ZBTB20: variants seen among roughly 807,000 people sequenced by gnomAD.
ZBTB20 encodes zinc finger and BTB domain containing 20.
ZBTB20 carries 9 observed loss-of-function variants against 56.9 expected under a neutral mutation model. The observed-to-expected ratio is 0.16, with a 90% confidence interval of 0.10 to 0.28. The LOEUF (loss-of-function observed/expected upper bound fraction) is 0.28. ZBTB20 is among the 10% of genes least tolerant of loss of function. The pLI, the probability that ZBTB20 is intolerant of heterozygous loss-of-function variation, is 1.00. For synonymous variants in ZBTB20, 417 were observed against 420.7 expected (o/e 0.99, Z 0.11); for missense variants, 655 against 1,003.0 (o/e 0.65, Z 4.69).
chr3:115,059,088 C>T (rs1170730952), intron 2 of ZBTB20, among the ~76,000 whole-genome samples: 1 of 152,100 alleles, frequency 6.6e-6, no homozygotes, highest in Non-Finnish European at 1.5e-5. Context: ...CCTTTAAATC[C>T]TTGATCACAT....
chr3:115,032,551 T>C (rs2080731108), intron 2 of ZBTB20, among the ~76,000 whole-genome samples: 1 of 151,324 alleles, frequency 6.6e-6, no homozygotes. Flanking sequence ...ACAGACATAC[T>C]GGGAACACTC....
At chr3:114,497,857 A>G (rs2043463465) in intron 7 of ZBTB20, among the ~76,000 whole-genome samples, 1 of 152,226 alleles carries the variant, frequency 6.6e-6, no homozygotes, top group South Asian at 2.1e-4. Flanking sequence ...AAACGAAGCC[A>G]AGTAGTAGTG....
At chr3:114,409,055 C>G (rs925453814) in intron 7 of ZBTB20, among the ~76,000 whole-genome samples, 17 of 146,598 alleles carry the variant, frequency 1.2e-4, no homozygotes, top group Admixed American at 3.4e-4. Context: ...AGGAAAAAAC[C>G]AAAAAGGCAG....
At chr3:114,873,129 G>C (rs746929660) in intron 4 of ZBTB20, 1 of 152,080 alleles carries the variant, frequency 6.6e-6, no homozygotes, top group Non-Finnish European at 1.5e-5. Flanking sequence ...ACAAAAGCTT[G>C]GTTTCTAAGG....
chr3:114,555,522 T>G (rs1470071388), intron 6 of ZBTB20, among the ~76,000 whole-genome samples: 1 of 152,106 alleles, frequency 6.6e-6, no homozygotes, highest in Non-Finnish European at 1.5e-5. Context: ...CTAGTTCACA[T>G]GTCATTTGTC....
At chr3:115,090,884 C>T (rs1007581665) in intron 1 of ZBTB20, among the ~76,000 whole-genome samples, 16 of 151,908 alleles carry the variant, frequency 1.1e-4, no homozygotes, top group Non-Finnish European at 2.9e-5. Flanking sequence ...TGGACTGAAA[C>T]CTCTAGATGT....
intron 6 of ZBTB20, among the ~76,000 whole-genome samples, chr3:114,516,449 TAC>T (rs1253544351): frequency 6.6e-6 from 1 of 152,190 alleles, no homozygotes; most frequent in Non-Finnish European, 1.5e-5. Flanking sequence ...CATAAATCTA[TAC>T]GTTATTTTGA....
At chr3:114,886,645 C>T (rs1031714926) in intron 4 of ZBTB20, among the ~76,000 whole-genome samples, 2 of 152,158 alleles carry the variant, frequency 1.3e-5, no homozygotes, top group Admixed American at 6.5e-5. Context: ...GTTTTTAGTT[C>T]TGCAGTCCAT....
At chr3:114,520,252 T>C (rs982024995) in intron 6 of ZBTB20, 1 of 152,134 alleles carries the variant, frequency 6.6e-6, no homozygotes, top group Non-Finnish European at 1.5e-5. Context: ...ATCAGTTGAA[T>C]ATGATGTACC....
At chr3:114,766,277 A>C (rs540276375) in intron 5 of ZBTB20, among the ~76,000 whole-genome samples, 1 of 151,744 alleles carries the variant, frequency 6.6e-6, no homozygotes, top group Non-Finnish European at 1.5e-5. Flanking sequence ...GAGTGTTATC[A>C]ATCTGAAATG....
chr3:114,315,478 ATATG>A lies in ZBTB20; in HGVS notation c.*23523_*23526del, dbSNP rs2078643034. 2.0e-5 allele frequency: 3 copies of A among 152,066 alleles called. No individual in the cohort carries two copies. The highest frequency in any genetic ancestry group is 2.0e-4 in the Admixed American group (3 of 15,256). 9.4% of individuals were successfully genotyped at this position (152,066 alleles called of 1,614,324 possible). On this transcript the variant is annotated 3_prime_UTR_variant, in exon 12 of 12. Coordinates refer to ENST00000675478, the MANE Select transcript of ZBTB20 (RefSeq NM_001348800.3). ...ACCACTTGAATGAATGAATGAATGG[ATATG>A]TATGTGTGTGTGCATGTGTGTATGT...
At chr3:114,875,025 T>A (rs1322817127) in intron 4 of ZBTB20, among the ~76,000 whole-genome samples, 1 of 152,170 alleles carries the variant, frequency 6.6e-6, no homozygotes, top group Non-Finnish European at 1.5e-5. Context: ...TCTTTTCCTA[T>A]TTATTTTTAT....
chr3:114,580,104 TG>T (rs2054497694), intron 6 of ZBTB20, among the ~76,000 whole-genome samples: 1 of 151,688 alleles, frequency 6.6e-6, no homozygotes, highest in Admixed American at 6.6e-5. Flanking sequence ...GATCTCCCCA[TG>T]TAAACATACT....
chr3:114,566,768 G>A (rs186191227), intron 6 of ZBTB20, among the ~76,000 whole-genome samples: 1 of 152,136 alleles, frequency 6.6e-6, no homozygotes. Context: ...CAGCCTTTGA[G>A]ATGCAAAATG....
chr3:114,755,672 C>G (rs2067960067), intron 5 of ZBTB20, among the ~76,000 whole-genome samples: 1 of 151,758 alleles, frequency 6.6e-6, no homozygotes, highest in Admixed American at 6.6e-5. Context: ...CTTTTTTTCT[C>G]TCTCTAGAAA....
At chr3:114,420,451 C>G (rs1251422511) in intron 7 of ZBTB20, among the ~76,000 whole-genome samples, 2 of 152,070 alleles carry the variant, frequency 1.3e-5, no homozygotes, top group Non-Finnish European at 2.9e-5. Context: ...TGTAGGGCAC[C>G]CATTGGAGCT....
chr3:114,569,406 C>T (rs1307659486), intron 6 of ZBTB20, among the ~76,000 whole-genome samples: 3 of 152,174 alleles, frequency 2.0e-5, no homozygotes, highest in Admixed American at 2.0e-4. Flanking sequence ...GACCAACAAA[C>T]TTTGCCACGA....
intron 7 of ZBTB20, among the ~76,000 whole-genome samples, chr3:114,411,225 A>C (rs1487730145): frequency 6.6e-6 from 1 of 152,146 alleles, no homozygotes; most frequent in Non-Finnish European, 1.5e-5. Flanking sequence ...CACACCCTTC[A>C]ACAGCACAGA....
At chr3:114,716,926 T>TG (rs1360069413) in intron 5 of ZBTB20, among the ~76,000 whole-genome samples, 1 of 151,176 alleles carries the variant, frequency 6.6e-6, no homozygotes, top group Non-Finnish European at 1.5e-5. Flanking sequence ...TGAAAAAAAG[T>TG]GGGGGGTATT....
Sources: gnomAD v4.1 joint callset for allele counts (sites outside exome capture counted in the v4.1 genomes callset) on GRCh38, gnomAD v4.1.1 for gene constraint, MANE v1.5 for transcripts, NCBI Gene and HGNC (gene_info 2026-07-23, HGNC 2026-07-21) for gene names.